MAPK10: variants seen among roughly 807,000 people sequenced by gnomAD.
MAPK10 encodes JNK3 alpha protein kinase.
MAPK10 carries 25 observed loss-of-function variants against 59.3 expected under a neutral mutation model. That is an observed-to-expected ratio of 0.42 (90% CI 0.31 to 0.59). The LOEUF is 0.59. Ranked by LOEUF, MAPK10 falls within the 20% of genes least tolerant of loss-of-function variation. MAPK10 has a pLI of 0.15. For missense variants in MAPK10, 351 were observed against 568.9 expected (o/e 0.62, Z 3.90); for synonymous variants, 190 against 200.5 (o/e 0.95, Z 0.44).
chr4:86,169,971 T>C (rs532261269), intron 3 of MAPK10, among the ~76,000 whole-genome samples: 7 of 152,090 alleles, frequency 4.6e-5, no homozygotes, highest in Non-Finnish European at 1.0e-4. Flanking sequence ...CTAAGCTTTA[T>C]AAGTGAAGGA....
At chr4:86,218,191 T>C (rs892193656) in intron 2 of MAPK10, among the ~76,000 whole-genome samples, 3 of 152,094 alleles carry the variant, frequency 2.0e-5, no homozygotes, top group Non-Finnish European at 4.4e-5. Context: ...ATTGTACATA[T>C]ATATAGGCTT....
At position 86,217,334 on chromosome 4, in the gene MAPK10, C is replaced by T. The variant is rs547813173; in HGVS notation, c.-6-22927G>A. Among the ~76,000 whole-genome samples, 9 of 152,214 alleles carry T rather than the reference C, an allele frequency of 5.9e-5. No individual in the cohort carries two copies. In the East Asian group the frequency reaches 1.7e-3, roughly 29 times the overall value. On this transcript the variant is annotated intron_variant, in intron 2 of 13. Coordinates refer to ENST00000641462, the MANE Select transcript of MAPK10 (RefSeq NM_138982.4). ...TATAGAGAAATAAGATTTTTTCTGTCATCCTTATAATTTGTAAAATTAATA... is the reference window on the plus strand; with the variant it reads ...TATAGAGAAATAAGATTTTTTCTGTTATCCTTATAATTTGTAAAATTAATA...
intron 2 of MAPK10, among the ~76,000 whole-genome samples, chr4:86,226,893 G>A (rs1449571511): frequency 6.6e-6 from 1 of 152,132 alleles, no homozygotes; most frequent in Non-Finnish European, 1.5e-5. Context: ...ATGATTATAG[G>A]TCCTCTATGT....
At chr4:86,533,399 G>A (rs1757983613) in intron 1 of MAPK10, among the ~76,000 whole-genome samples, 1 of 152,016 alleles carries the variant, frequency 6.6e-6, no homozygotes, top group African/African-American at 2.4e-5. Context: ...GATTAAAATG[G>A]TAAATTTTGC....
chr4:86,179,120 T>C (rs2076329449), intron 3 of MAPK10, among the ~76,000 whole-genome samples: 1 of 152,092 alleles, frequency 6.6e-6, no homozygotes, highest in African/African-American at 2.4e-5. Context: ...GAGAATCACT[T>C]GAACCTGGGA....
intron 3 of MAPK10, chr4:86,164,392 C>T (rs1286552659): frequency 6.6e-6 from 1 of 152,220 alleles, no homozygotes; most frequent in African/African-American, 2.4e-5. Context: ...AACTTAGTGT[C>T]ACGCTTCTGG....
chr4:86,095,958 T>C lies in MAPK10; in HGVS notation c.802+2566A>G, dbSNP rs528353935. ...TCATTGGAAAATATCTACTCATTTT[T>C]TGGTAAAATTTAACTTAAGTAAAAG... On this transcript the variant is annotated intron_variant, in intron 9 of 13. Coordinates refer to ENST00000641462, the MANE Select transcript of MAPK10 (RefSeq NM_138982.4). 2.0e-5 allele frequency among the ~76,000 whole-genome samples: 3 copies of C among 151,956 alleles called. No individual in the cohort carries two copies. In the South Asian group the frequency reaches 6.2e-4, roughly 31 times the overall value.
intron 4 of MAPK10, among the ~76,000 whole-genome samples, chr4:86,113,799 A>T (rs561947328): frequency 6.6e-6 from 1 of 152,158 alleles, no homozygotes; most frequent in South Asian, 2.1e-4. Flanking sequence ...TGATATTTTG[A>T]AGTATGTTTT....
intron 1 of MAPK10, among the ~76,000 whole-genome samples, chr4:86,486,884 G>C (rs924166693): frequency 5.9e-5 from 9 of 152,176 alleles, no homozygotes; most frequent in African/African-American, 2.2e-4. Context: ...CTATGTGCCT[G>C]AAACACAGTA....
At chr4:86,415,198 C>G (rs992442570) in intron 1 of MAPK10, among the ~76,000 whole-genome samples, 2 of 151,142 alleles carry the variant, frequency 1.3e-5, no homozygotes, top group Admixed American at 6.6e-5. Context: ...CTTGTATACT[C>G]ATCATGTGGT....
At chr4:86,500,192 A>G (rs1755203075) in intron 1 of MAPK10, among the ~76,000 whole-genome samples, 1 of 152,204 alleles carries the variant, frequency 6.6e-6, no homozygotes, top group Non-Finnish European at 1.5e-5. Context: ...AAAACTGGCC[A>G]TAATAGCTAT....
At chr4:86,339,103 A>G (rs1723332374) in intron 2 of MAPK10, among the ~76,000 whole-genome samples, 1 of 152,182 alleles carries the variant, frequency 6.6e-6, no homozygotes, top group Admixed American at 6.5e-5. Flanking sequence ...GCACTATTCT[A>G]TTACACACAG....
chr4:86,029,100 T>C (rs1751849868), intron 13 of MAPK10, 97 bp downstream of exon 13: 1 of 809,186 alleles, frequency 1.2e-6, no homozygotes, highest in Admixed American at 1.7e-5. Flanking sequence ...GTCCATCTGC[T>C]CTTTAAGCAA....
At chr4:86,334,730 A>G (rs1480854241) in intron 2 of MAPK10, among the ~76,000 whole-genome samples, 1 of 142,108 alleles carries the variant, frequency 7.0e-6, no homozygotes, top group East Asian at 2.1e-4. Context: ...CAGTATATTC[A>G]GTACCCTATG....
At chr4:86,361,826 T>A (rs2148985165), upstream of MAPK10, among the ~76,000 whole-genome samples, 1 of 152,216 alleles carries the variant, frequency 6.6e-6, no homozygotes, top group Non-Finnish European at 1.5e-5. Flanking sequence ...TGTGAAATTT[T>A]AAAAAGGACA....
At chr4:86,400,997 C>T (rs932724203) in intron 1 of MAPK10, among the ~76,000 whole-genome samples, 10 of 152,090 alleles carry the variant, frequency 6.6e-5, no homozygotes, top group Non-Finnish European at 1.3e-4. Flanking sequence ...TCAATTTTCT[C>T]AGTTAATAAA....
intron 2 of MAPK10, among the ~76,000 whole-genome samples, chr4:86,289,199 C>G (rs2095137292): frequency 6.6e-6 from 1 of 152,020 alleles, no homozygotes; most frequent in Admixed American, 6.6e-5. Flanking sequence ...GGCCCTGAGG[C>G]AGGAGATGCT....
At chr4:86,556,916 T>C (rs939300249) in intron 1 of MAPK10, among the ~76,000 whole-genome samples, 2 of 152,138 alleles carry the variant, frequency 1.3e-5, no homozygotes, top group Non-Finnish European at 2.9e-5. Flanking sequence ...TTATATTCTG[T>C]TGTAACTTCC....
chr4:86,030,785 T>A (rs896722930), intron 12 of MAPK10, among the ~76,000 whole-genome samples: 4 of 152,234 alleles, frequency 2.6e-5, no homozygotes, highest in Non-Finnish European at 5.9e-5. Flanking sequence ...CTTCAGCTCT[T>A]CCCATTTTGA....
Sources: gnomAD v4.1 joint callset for allele counts (sites outside exome capture counted in the v4.1 genomes callset) on GRCh38, gnomAD v4.1.1 for gene constraint, MANE v1.5 for transcripts, NCBI Gene and HGNC (gene_info 2026-07-23, HGNC 2026-07-21) for gene names.